Variants in GRM7 observed in about 807,000 individuals in gnomAD.
The protein encoded by GRM7 is metabotropic glutamate receptor 7.
A neutral mutation model predicts 84.5 loss-of-function variants in GRM7; 35 were observed. The observed-to-expected ratio is 0.41, with a 90% CI of 0.32 to 0.55. The LOEUF is 0.55. Ranked by LOEUF, GRM7 falls within the 20% of genes least tolerant of loss-of-function variation. GRM7 has a pLI of 0.19. For missense variants in GRM7, 1,003 were observed against 1,194.6 expected (o/e 0.84, Z 2.36); for synonymous variants, 487 against 455.1 (o/e 1.07, Z -0.89).
At chr3:7,401,360 T>C (rs1695440736) in intron 4 of GRM7, among the ~76,000 whole-genome samples, 1 of 152,126 alleles carries the variant, frequency 6.6e-6, no homozygotes, top group Non-Finnish European at 1.5e-5. Context: ...GTGCAAACAG[T>C]GTTGACCACG....
chr3:7,500,311 T>A (rs2124963383), intron 7 of GRM7, among the ~76,000 whole-genome samples: 1 of 152,326 alleles, frequency 6.6e-6, no homozygotes, highest in South Asian at 2.1e-4. Flanking sequence ...GGAAGAAAAT[T>A]ATTTTTGTTT....
At chr3:7,107,026 T>A (rs1439241443) in intron 1 of GRM7, among the ~76,000 whole-genome samples, 1 of 151,996 alleles carries the variant, frequency 6.6e-6, no homozygotes, top group Non-Finnish European at 1.5e-5. Context: ...AAAGATACCT[T>A]TTTAAACTCA....
At chr3:7,116,452 A>T (rs1693036129) in intron 1 of GRM7, among the ~76,000 whole-genome samples, 1 of 152,170 alleles carries the variant, frequency 6.6e-6, no homozygotes, top group Non-Finnish European at 1.5e-5. Context: ...TGGGAAAGTC[A>T]CACATTTTCA....
intron 1 of GRM7, among the ~76,000 whole-genome samples, chr3:7,080,227 C>G (rs890693822): frequency 6.6e-6 from 1 of 152,006 alleles, no homozygotes; most frequent in Non-Finnish European, 1.5e-5. Context: ...GGGACTTTTT[C>G]CAAAGTCTCA....
intron 7 of GRM7, among the ~76,000 whole-genome samples, chr3:7,504,614 G>C (rs1699985611): frequency 6.6e-6 from 1 of 152,164 alleles, no homozygotes; most frequent in Admixed American, 6.5e-5. Flanking sequence ...GAAAAGGCAA[G>C]AGCAAAAGAA....
chr3:7,233,704 C>A (rs923446642), intron 2 of GRM7, among the ~76,000 whole-genome samples: 1 of 152,108 alleles, frequency 6.6e-6, no homozygotes, highest in African/African-American at 2.4e-5. Flanking sequence ...TAGAACTGCT[C>A]TATTTAGTTT....
chr3:7,178,998 C>A (rs537299690), intron 2 of GRM7, among the ~76,000 whole-genome samples: 1 of 151,810 alleles, frequency 6.6e-6, no homozygotes, highest in East Asian at 1.9e-4. Context: ...CCTAGTTACT[C>A]GGGAGGCTGA....
At chr3:7,121,952 G>A (rs1033192935) in intron 1 of GRM7, among the ~76,000 whole-genome samples, 4 of 152,166 alleles carry the variant, frequency 2.6e-5, no homozygotes, top group African/African-American at 7.2e-5. Context: ...TTACAAAAGA[G>A]AGTTCACCCC....
At chr3:6,920,085 C>T (rs1697072968) in intron 1 of GRM7, among the ~76,000 whole-genome samples, 1 of 152,114 alleles carries the variant, frequency 6.6e-6, no homozygotes, top group Non-Finnish European at 1.5e-5. Flanking sequence ...ATATATAATA[C>T]ATATAACCAG....
At chr3:7,022,292 C>G (rs1019152492) in intron 1 of GRM7, among the ~76,000 whole-genome samples, 1 of 151,024 alleles carries the variant, frequency 6.6e-6, no homozygotes, top group African/African-American at 2.4e-5. Flanking sequence ...TGCCACTGCA[C>G]CCCAGCTGAG....
chr3:7,225,459 AAATTAT>A (rs1190512778), intron 2 of GRM7, among the ~76,000 whole-genome samples: 2 of 147,732 alleles, frequency 1.4e-5, no homozygotes, highest in African/African-American at 4.9e-5. Context: ...TATATTAAAG[AAATTAT>A]AATTATAATA....
At chr3:7,400,390 C>G (rs1259660614) in intron 4 of GRM7, among the ~76,000 whole-genome samples, 1 of 152,208 alleles carries the variant, frequency 6.6e-6, no homozygotes, top group African/African-American at 2.4e-5. Context: ...AACCAACCCT[C>G]AATGACTTCA....
chr3:7,275,697 A>T lies in GRM7; in HGVS notation c.737-22987A>T, dbSNP rs577084734. ...TTTAGCTAGTTTCTTCTGAGAATAGATTTAAGAGTAACAGAATGCTCTAGT... is the reference window on the plus strand; with the variant it reads ...TTTAGCTAGTTTCTTCTGAGAATAGTTTTAAGAGTAACAGAATGCTCTAGT... On this transcript the variant is annotated intron_variant, in intron 2 of 9. Transcript: ENST00000357716. Among the ~76,000 whole-genome samples, 14 of 152,250 alleles carry T rather than the reference A, an allele frequency of 9.2e-5. No homozygotes were observed. In the East Asian group the frequency reaches 2.7e-3, roughly 29 times the overall value.
At chr3:7,678,237 T>A (rs987518391) in intron 8 of GRM7, among the ~76,000 whole-genome samples, 1 of 152,142 alleles carries the variant, frequency 6.6e-6, no homozygotes, top group Non-Finnish European at 1.5e-5. Flanking sequence ...AGAAAACATA[T>A]GTGTACACAC....
chr3:7,208,182 G>GTTCA (rs935708562), intron 2 of GRM7, among the ~76,000 whole-genome samples: 43 of 152,270 alleles, frequency 2.8e-4, no homozygotes, highest in African/African-American at 1.0e-3. Flanking sequence ...TCATTCATTT[G>GTTCA]TTCATTCATT....
chr3:7,721,051 T>C (rs922891413), intron 9 of GRM7, among the ~76,000 whole-genome samples: 1 of 152,200 alleles, frequency 6.6e-6, no homozygotes, highest in East Asian at 1.9e-4. Context: ...TTCTAGCACA[T>C]AGTAAATGCT....
At chr3:7,463,264 C>T (rs74337812) in intron 7 of GRM7, among the ~76,000 whole-genome samples, 96 of 152,110 alleles carry the variant, frequency 6.3e-4, no homozygotes, top group African/African-American at 2.0e-3. Context: ...GTCCAATATC[C>T]GTAAGAGTTC....
At chr3:7,101,076 T>C (rs1177602792) in intron 1 of GRM7, among the ~76,000 whole-genome samples, 5 of 151,808 alleles carry the variant, frequency 3.3e-5, no homozygotes, top group African/African-American at 1.2e-4. Flanking sequence ...TGTACAAGTC[T>C]TTTTGTAGAG....
At chr3:7,398,543 C>T (rs1284530202) in intron 4 of GRM7, among the ~76,000 whole-genome samples, 1 of 151,690 alleles carries the variant, frequency 6.6e-6, no homozygotes, top group Admixed American at 6.6e-5. Context: ...ATTTGGTAGC[C>T]TACGTATGGA....
Sources: allele counts gnomAD v4.1 joint callset (sites outside exome capture counted in the v4.1 genomes callset), GRCh38; gene constraint gnomAD v4.1.1; transcripts MANE v1.5; gene names NCBI Gene and HGNC (gene_info 2026-07-23, HGNC 2026-07-21).